PRRG1: variants seen among roughly 807,000 people sequenced by gnomAD.
The protein encoded by PRRG1 is proline rich and Gla domain 1.
Under a neutral mutation model 11.8 loss-of-function variants are expected in PRRG1, and 5 were observed. The observed-to-expected ratio is 0.42, with a 90% CI of 0.22 to 0.89. The LOEUF is 0.89. Ranked by LOEUF, PRRG1 falls within the 40% of genes least tolerant of loss-of-function variation. The pLI, the probability that PRRG1 is intolerant of heterozygous loss-of-function variation, is 0.28. For missense variants in PRRG1, 155 were observed against 166.1 expected (o/e 0.93, Z 0.37); for synonymous variants, 66 against 60.4 (o/e 1.09, Z -0.43).
rs1246785506 is a variant in PRRG1, at chrX:37,455,621, G to A, written c.*2000G>A. 1 of 112,191 alleles carries A rather than the reference G, an allele frequency of 8.9e-6. No individual in the cohort carries two copies. The highest frequency in any genetic ancestry group is 1.9e-5 in the Non-Finnish European group (1 of 53,288). 9.2% of individuals were successfully genotyped at this position (112,191 alleles called of 1,213,427 possible). A position where few individuals can be genotyped will look rare whatever the true frequency, so the allele number is the denominator to read the frequency against. On this transcript the variant is annotated 3_prime_UTR_variant, in exon 4 of 4. Transcript: ENST00000378628. ...ATAGAAAGGGAAGTAAGGCGTGTGTGCTAGTTAATAGGTTTAGTAGCTTTT... is the reference window on the plus strand; with the variant it reads ...ATAGAAAGGGAAGTAAGGCGTGTGTACTAGTTAATAGGTTTAGTAGCTTTT...
chrX:37,367,185 T>G (rs1449963099), intron 1 of PRRG1, among the ~76,000 whole-genome samples: 4 of 112,427 alleles, frequency 3.6e-5, no homozygotes, highest in Non-Finnish European at 5.6e-5. Context: ...ATCTCTAAAG[T>G]ATACATTTTT....
intron 1 of PRRG1, among the ~76,000 whole-genome samples, chrX:37,391,013 G>A (rs932908897): frequency 1.1e-4 from 12 of 111,862 alleles, no homozygotes; most frequent in African/African-American, 3.6e-4. Context: ...ACCCCCAAGG[G>A]CCTCCTGAGC....
chrX:37,452,473 A>G (rs782126992), intron 3 of PRRG1, among the ~76,000 whole-genome samples: 1 of 112,038 alleles, frequency 8.9e-6, no homozygotes, highest in Non-Finnish European at 1.9e-5. Context: ...CTACTGGACT[A>G]CTTTTCATTT....
intron 1 of PRRG1, among the ~76,000 whole-genome samples, chrX:37,374,731 C>T (rs1930881934): frequency 9.0e-6 from 1 of 111,057 alleles, no homozygotes; most frequent in African/African-American, 3.3e-5. Context: ...TTTAAAATTT[C>T]CTTTTTTATT....
In PRRG1 at chrX:37,453,559, A is replaced by G. The variant is rs782471064; in HGVS notation, c.595A>G (p.Ile199Val). 35 of 1,208,604 alleles carry G rather than the reference A, an allele frequency of 2.9e-5. No homozygotes were observed. Among genetic ancestry groups the G allele is most frequent in the Non-Finnish European group, 3.7e-5 (33 of 893,524 alleles). The change falls in exon 4 of 4, where the codon ATA becomes GTA. Residue 199 changes from isoleucine (I) to valine (V), a missense_variant. Coordinates refer to ENST00000378628, the MANE Select transcript of PRRG1 (RefSeq NM_001142395.2). ...AGACCCACCCCCAGAGTATGAGGAC[A>G]TAGTCAACTCCAACTCAGCCAGTGC... ...HLDPPPEYED[I>V]VNSNSASAIP...
At chrX:37,400,809 C>A (rs1394089149) in intron 1 of PRRG1, among the ~76,000 whole-genome samples, 56 of 111,619 alleles carry the variant, frequency 5.0e-4, no homozygotes, top group Non-Finnish European at 9.8e-4. Context: ...AATATCACCA[C>A]CAATCCCACA....
intron 3 of PRRG1, among the ~76,000 whole-genome samples, chrX:37,432,759 A>G (rs1556390803): frequency 8.9e-6 from 1 of 112,070 alleles, no homozygotes; most frequent in Admixed American, 9.5e-5. Flanking sequence ...CCAAATTTAT[A>G]TTTGTAGTTC....
intron 1 of PRRG1, among the ~76,000 whole-genome samples, chrX:37,397,199 G>A (rs1931747746): frequency 8.9e-6 from 1 of 112,354 alleles, no homozygotes; most frequent in African/African-American, 3.2e-5. Context: ...TATATAACAT[G>A]ACAAACCCAT....
chrX:37,437,177 T>C (rs1602032670), intron 3 of PRRG1, among the ~76,000 whole-genome samples: 1 of 111,971 alleles, frequency 8.9e-6, no homozygotes, highest in South Asian at 3.8e-4. Context: ...TCTCTGGCAG[T>C]TGGGCCCATT....
intron 2 of PRRG1, among the ~76,000 whole-genome samples, chrX:37,407,632 T>A (rs782190530): frequency 1.8e-5 from 2 of 112,195 alleles, no homozygotes; most frequent in Non-Finnish European, 3.8e-5. Context: ...AAAGTTGTCG[T>A]TGGCATAATG....
At chrX:37,427,513 TA>T (rs1932787569) in intron 3 of PRRG1, among the ~76,000 whole-genome samples, 1 of 112,165 alleles carries the variant, frequency 8.9e-6, no homozygotes, top group African/African-American at 3.2e-5. Context: ...TTTAAGTATA[TA>T]ATATAACATT....
intron 3 of PRRG1, among the ~76,000 whole-genome samples, chrX:37,433,951 G>A (rs1057236428): frequency 1.5e-4 from 17 of 112,069 alleles, no homozygotes; most frequent in African/African-American, 5.2e-4. Flanking sequence ...AAGTGAAGTG[G>A]CATTCTCATT....
Position 37,417,428 on chromosome X carries a change from C to T in PRRG1, c.11-8412C>T, listed in dbSNP as rs782509299. Among the ~76,000 whole-genome samples the T allele has an allele frequency of 3.3e-4, 37 of 111,134 alleles. 1 individual carries two copies. In the East Asian group the frequency reaches 0.01, roughly 31 times the overall value. On this transcript the variant is annotated intron_variant, in intron 2 of 3. Transcript: ENST00000378628. Reference sequence around the variant, plus strand: ...TAAGTTTGCAAAAACTGGTTGGGCACATGAGTACCACCATACAATAAATTC... The same window carrying T: ...TAAGTTTGCAAAAACTGGTTGGGCATATGAGTACCACCATACAATAAATTC...
rs781795842 is a variant in PRRG1, at chrX:37,453,881, G to A, written c.*260G>A. The A allele has an allele frequency of 3.0e-4, 82 of 277,386 alleles. No homozygotes were observed. The highest frequency in any genetic ancestry group is 1.7e-3 in the African/African-American group (62 of 36,155). The allele number at this position is 277,386 out of a possible 1,213,427, so 22.9% of individuals were successfully genotyped here. ...GTGATGTGATGAGACATACATGTAA[G>A]TGTATATATGTGTGTATAGGCATAT... is the stretch of plus-strand genomic sequence containing the variant. On this transcript the variant is annotated 3_prime_UTR_variant, in exon 4 of 4. Transcript: ENST00000378628.
Position 37,400,641 on chromosome X carries a change from A to C in PRRG1, c.-41-5568A>C, listed in dbSNP as rs1931937452. On this transcript the variant is annotated intron_variant, in intron 1 of 3. Coordinates refer to ENST00000378628, the MANE Select transcript of PRRG1 (RefSeq NM_001142395.2). ...AAAAAAATAACTAAAATCAGAGCAGACCTGAAGGAAATAGAGACACAAAAA... is the reference window on the plus strand; with the variant it reads ...AAAAAAATAACTAAAATCAGAGCAGCCCTGAAGGAAATAGAGACACAAAAA... 2.7e-5 allele frequency among the ~76,000 whole-genome samples: 3 copies of C among 111,862 alleles called. No individual in the cohort carries two copies. The South Asian group carries it at 1.1e-3, about 42-fold the overall frequency.
At chrX:37,441,665 C>A in intron 3 of PRRG1, 1 of 800,996 alleles carries the variant, frequency 1.2e-6, no homozygotes. Flanking sequence ...GACAATGCGG[C>A]CCTGGAGCAC....
chrX:37,412,799 A>G lies in PRRG1; in HGVS notation c.10+6540A>G, dbSNP rs782634736. ...ATCCTCTCTGCCATTTACTTATTAA[A>G]GAAGAAAATAACCTTTGGCACATAA... On this transcript the variant is annotated intron_variant, in intron 2 of 3. Transcript: ENST00000378628. Among the ~76,000 whole-genome samples the G allele has an allele frequency of 3.6e-5, 4 of 111,304 alleles. No individual in the cohort carries two copies. The South Asian group carries it at 1.5e-3, about 43-fold the overall frequency.
At chrX:37,386,721 AT>A (rs1931343567) in intron 1 of PRRG1, 1 of 112,095 alleles carries the variant, frequency 8.9e-6, no homozygotes, top group East Asian at 2.8e-4. Flanking sequence ...CTTTGCAGAC[AT>A]TATGATCCTG....
At chrX:37,394,801 AAATTTAAATC>A (rs1257127436) in intron 1 of PRRG1, among the ~76,000 whole-genome samples, 7 of 110,652 alleles carry the variant, frequency 6.3e-5, no homozygotes, top group African/African-American at 2.3e-4. Flanking sequence ...TAAGAGTTCC[AAATTTAAATC>A]ATTCCAAATT....
Sources: allele counts gnomAD v4.1 joint callset (sites outside exome capture counted in the v4.1 genomes callset), GRCh38; gene constraint gnomAD v4.1.1; transcripts MANE v1.5; gene names NCBI Gene and HGNC (gene_info 2026-07-23, HGNC 2026-07-21).